GLIS3: variants seen among roughly 807,000 people sequenced by gnomAD.
GLIS3 encodes zinc finger protein GLIS3.
GLIS3 carries 53 observed loss-of-function variants against 78.6 expected under a neutral mutation model. The ratio of observed to expected loss-of-function variants is 0.67; its 90% CI spans 0.54 to 0.85. GLIS3 has a LOEUF of 0.85. Among genes scored for constraint, GLIS3 ranks in the 40% least tolerant of loss-of-function variants. The pLI is 0.00. For synonymous variants in GLIS3, 684 were observed against 509.9 expected (o/e 1.34, Z -4.60); for missense variants, 1,703 against 1,231.1 (o/e 1.38, Z -5.74).
chr9:3,829,462 GGACAGAACTTCT>G lies in GLIS3; in HGVS notation c.2492_2503del (p.Gln831_Cys834del), dbSNP rs1563754879. On this transcript the variant is annotated inframe_deletion, in exon 10 of 11. Transcript: ENST00000381971. ...TCTCTGGGAATCGGGGTAGTGTGGG[GGACAGAACTTCT>G]GCAGCTGCCCATAAAATCCTGAAAC... 3 of 1,614,076 alleles carry G rather than the reference GGACAGAACTTCT, an allele frequency of 1.9e-6. No individual in the cohort carries two copies. The highest frequency in any genetic ancestry group is 2.5e-6 in the Non-Finnish European group (3 of 1,180,004).
chr9:4,132,029 G>C (rs1336683319), intron 2 of GLIS3, among the ~76,000 whole-genome samples: 1 of 147,742 alleles, frequency 6.8e-6, no homozygotes, highest in Non-Finnish European at 1.5e-5. Flanking sequence ...TCTGCTTTAA[G>C]TCTACGGCCA....
At chr9:4,175,832 C>T (rs989073068) in intron 2 of GLIS3, among the ~76,000 whole-genome samples, 9 of 151,900 alleles carry the variant, frequency 5.9e-5, no homozygotes, top group African/African-American at 1.2e-4. Flanking sequence ...TTTTTTGGTT[C>T]GGTAACCCCA....
chr9:4,218,362 T>C (rs1276070322), intron 2 of GLIS3, among the ~76,000 whole-genome samples: 3 of 152,152 alleles, frequency 2.0e-5, no homozygotes, highest in Non-Finnish European at 2.9e-5. Context: ...CACTGCAAGC[T>C]CTGCCTCCCG....
intron 2 of GLIS3, among the ~76,000 whole-genome samples, chr9:4,269,767 G>A (rs1309509877): frequency 6.6e-6 from 1 of 152,106 alleles, no homozygotes; most frequent in Non-Finnish European, 1.5e-5. Flanking sequence ...AATTTTGTCT[G>A]AGAATAATAA....
chr9:4,354,568 A>G, the GLIS3 span, among the ~76,000 whole-genome samples: 1 of 152,196 alleles, frequency 6.6e-6, no homozygotes, highest in Non-Finnish European at 1.5e-5. Context: ...TCAAAACCTC[A>G]GTGCACGGGA....
chr9:3,870,743 T>C (rs1440880682), intron 8 of GLIS3, among the ~76,000 whole-genome samples: 3 of 152,232 alleles, frequency 2.0e-5, no homozygotes, highest in Non-Finnish European at 2.9e-5. Context: ...ATGGGAATTA[T>C]GGGAATACAA....
At chr9:4,446,568 G>C in the GLIS3 span, among the ~76,000 whole-genome samples, 5 of 142,062 alleles carry the variant, frequency 3.5e-5, no homozygotes, top group African/African-American at 1.3e-4. Context: ...TGAGTGCAGT[G>C]GCATGATTTT....
chr9:4,337,838 C>T (rs1054987630), intron 2 of GLIS3, among the ~76,000 whole-genome samples: 1 of 152,122 alleles, frequency 6.6e-6, no homozygotes, highest in African/African-American at 2.4e-5. Flanking sequence ...ATCATTTAAT[C>T]CTCACAAAAC....
intron 4 of GLIS3, among the ~76,000 whole-genome samples, chr9:4,109,923 C>T (rs527856253): frequency 1.3e-5 from 2 of 152,290 alleles, no homozygotes; most frequent in Non-Finnish European, 2.9e-5. Flanking sequence ...CCTCCTCTAA[C>T]AAGCCTGCCC....
chr9:4,451,355 C>T, the GLIS3 span, among the ~76,000 whole-genome samples: 2 of 152,126 alleles, frequency 1.3e-5, no homozygotes, highest in Admixed American at 1.3e-4. Flanking sequence ...AAAACCAGTC[C>T]TTAGAGACCT....
intron 4 of GLIS3, among the ~76,000 whole-genome samples, chr9:3,949,277 G>A (rs145366373): frequency 5.3e-5 from 8 of 152,276 alleles, no homozygotes; most frequent in African/African-American, 9.6e-5. Flanking sequence ...TGAGCACAGC[G>A]TTAAACCATT....
At chr9:4,232,382 TAAAA>T (rs56725850) in intron 2 of GLIS3, among the ~76,000 whole-genome samples, 2 of 101,666 alleles carry the variant, frequency 2.0e-5, no homozygotes, top group Non-Finnish European at 4.0e-5. Context: ...CCTTGTCTCT[TAAAA>T]AAAAAAAAAA....
intron 2 of GLIS3, among the ~76,000 whole-genome samples, chr9:4,343,194 T>C (rs1391339840): frequency 1.3e-5 from 2 of 151,952 alleles, no homozygotes; most frequent in Non-Finnish European, 2.9e-5. Context: ...ATTAAAAAAT[T>C]AGTCAGGCAC....
intron 1 of GLIS3, among the ~76,000 whole-genome samples, chr9:4,288,609 A>C (rs551723653): frequency 6.6e-6 from 1 of 152,338 alleles, no homozygotes; most frequent in Admixed American, 6.5e-5. Context: ...GCAAGAAGGA[A>C]AAATAATTAG....
the GLIS3 span, among the ~76,000 whole-genome samples, chr9:4,488,530 T>C: frequency 3.3e-5 from 5 of 151,930 alleles, no homozygotes; most frequent in Non-Finnish European, 7.4e-5. Context: ...CTCTCTTTTT[T>C]TTTTATGAGA....
In GLIS3 at chr9:4,118,708, C is replaced by T. The variant is rs765418117; in HGVS notation, c.770G>A (p.Gly257Glu). ...DLGDLLSLPP[G>E]TSMSSNSVSN... ...GACACTATTGCTGGACATGGATGTC[C>T]CGGGAGGAAGGCTAAGGAGATCCCC... is the stretch of plus-strand genomic sequence containing the variant. The change falls in exon 4 of 11, where the codon GGG (glycine) becomes GAG (glutamate). Residue 257 changes from glycine (G) to glutamate (E), a missense_variant. By Grantham distance (98) the Gly-to-Glu change is moderately conservative. Coordinates refer to ENST00000381971, the MANE Select transcript of GLIS3 (RefSeq NM_001042413.2). The surrounding 1 kb of genome is among the most constrained non-coding windows in gnomAD (Gnocchi z 4.7). 4.3e-6 allele frequency: 7 copies of T among 1,613,850 alleles called. No homozygotes were observed. In the South Asian group the frequency reaches 5.5e-5, roughly 13 times the overall value.
At chr9:4,127,954 A>G (rs1832701893) in intron 2 of GLIS3, among the ~76,000 whole-genome samples, 1 of 152,244 alleles carries the variant, frequency 6.6e-6, no homozygotes, top group Non-Finnish European at 1.5e-5. Flanking sequence ...TCATAAAACT[A>G]AAATGGCACA....
chr9:4,143,142 G>C (rs1429323631), intron 2 of GLIS3, among the ~76,000 whole-genome samples: 1 of 152,068 alleles, frequency 6.6e-6, no homozygotes, highest in Non-Finnish European at 1.5e-5. Flanking sequence ...ATAATGTGAT[G>C]ATTTGACATA....
intron 4 of GLIS3, among the ~76,000 whole-genome samples, chr9:3,956,641 T>C (rs1817129655): frequency 6.6e-6 from 1 of 152,240 alleles, no homozygotes; most frequent in Non-Finnish European, 1.5e-5. Context: ...TGTTTTGTTT[T>C]GTTTTGTTTT....
Sources: allele counts gnomAD v4.1 joint callset (sites outside exome capture counted in the v4.1 genomes callset), GRCh38; gene constraint gnomAD v4.1.1; non-coding constraint Gnocchi (gnomAD v3.1); transcripts MANE v1.5; gene names NCBI Gene and HGNC (gene_info 2026-07-23, HGNC 2026-07-21).